SGCZ: variants seen among roughly 807,000 people sequenced by gnomAD.
The protein encoded by SGCZ is sarcoglycan zeta.
Under a neutral mutation model 41.3 loss-of-function variants are expected in SGCZ, and 40 were observed. The ratio of observed to expected loss-of-function variants is 0.97; its 90% CI spans 0.75 to 1.26. The LOEUF (loss-of-function observed/expected upper bound fraction) is 1.26. Among genes scored for constraint, SGCZ ranks in the 50% most tolerant of loss-of-function variants. The pLI, the probability that SGCZ is intolerant of heterozygous loss-of-function variation, is 0.00. For synonymous variants in SGCZ, 206 were observed against 137.5 expected (o/e 1.50, Z -3.49); for missense variants, 552 against 369.8 (o/e 1.49, Z -4.04).
chr8:14,216,602 G>A (rs997179840), intron 4 of SGCZ, among the ~76,000 whole-genome samples: 2 of 151,994 alleles, frequency 1.3e-5, no homozygotes, highest in Admixed American at 6.5e-5. Flanking sequence ...ATGCCAGGGT[G>A]GTTCAACTTT....
In SGCZ at chr8:14,763,783, G is replaced by A. The variant is rs186937778; in HGVS notation, c.40-208857C>T. Among the ~76,000 whole-genome samples, 2 of 152,166 alleles carry A rather than the reference G, an allele frequency of 1.3e-5. 1 individual carries two copies. The highest frequency in any genetic ancestry group is 1.3e-4 in the Admixed American group (2 of 15,274). ...TATCATATAGCCTTAGTTCTACATA[G>A]CCTCTGCAAAGAAGTCTTCAACTAT... On this transcript the variant is annotated intron_variant, in intron 1 of 7. Coordinates refer to ENST00000382080, the MANE Select transcript of SGCZ (RefSeq NM_139167.4).
At chr8:14,652,074 C>G (rs1807418161) in intron 1 of SGCZ, among the ~76,000 whole-genome samples, 1 of 151,848 alleles carries the variant, frequency 6.6e-6, no homozygotes, top group Admixed American at 6.6e-5. Context: ...AATAACAAAA[C>G]ATGCTTTTCT....
chr8:14,282,229 G>T (rs568300996), intron 3 of SGCZ, among the ~76,000 whole-genome samples: 3 of 151,668 alleles, frequency 2.0e-5, no homozygotes, highest in African/African-American at 7.3e-5. Flanking sequence ...ATACTGATCC[G>T]CCTGTATCCC....
chr8:14,596,954 T>C lies in SGCZ; in HGVS notation c.40-42028A>G, dbSNP rs563404952. 2.3e-4 allele frequency among the ~76,000 whole-genome samples: 35 copies of C among 152,174 alleles called. No individual in the cohort carries two copies. The South Asian group carries it at 7.3e-3, about 32-fold the overall frequency. On this transcript the variant is annotated intron_variant, in intron 1 of 7. Coordinates refer to ENST00000382080, the MANE Select transcript of SGCZ (RefSeq NM_139167.4). ...CAAACAGCAACAAAAAAACAACCTG[T>C]CATCAACCTTTGGGGAACCCTGAAA...
chr8:14,292,331 A>G (rs976884196), intron 3 of SGCZ, among the ~76,000 whole-genome samples: 3 of 152,040 alleles, frequency 2.0e-5, no homozygotes, highest in Admixed American at 2.0e-4. Context: ...GTTGGTGAAA[A>G]CAGCCTAGGA....
chr8:14,534,458 C>T (rs1326267890), intron 2 of SGCZ, among the ~76,000 whole-genome samples: 2 of 151,944 alleles, frequency 1.3e-5, no homozygotes. Context: ...GCATTATTAA[C>T]CTTCACTCTT....
At chr8:14,785,196 G>A (rs956365546) in intron 1 of SGCZ, among the ~76,000 whole-genome samples, 2 of 151,184 alleles carry the variant, frequency 1.3e-5, no homozygotes, top group African/African-American at 2.4e-5. Context: ...TCTGGAAATT[G>A]TTATAAAGTT....
At chr8:14,119,029 T>C (rs947002722) in intron 5 of SGCZ, among the ~76,000 whole-genome samples, 1 of 152,204 alleles carries the variant, frequency 6.6e-6, no homozygotes, top group Non-Finnish European at 1.5e-5. Flanking sequence ...TACTTAGGAT[T>C]GTCTTGGCTA....
At chr8:15,212,568 G>T (rs893249345) in intron 1 of SGCZ, among the ~76,000 whole-genome samples, 1 of 152,062 alleles carries the variant, frequency 6.6e-6, no homozygotes, top group African/African-American at 2.4e-5. Flanking sequence ...TCTGTAGACT[G>T]AGAGCCTTGG....
chr8:14,486,989 C>G (rs1365010949), intron 2 of SGCZ, among the ~76,000 whole-genome samples: 1 of 152,098 alleles, frequency 6.6e-6, no homozygotes, highest in East Asian at 1.9e-4. Context: ...ACTATGTTGT[C>G]TGAAACATGT....
At chr8:14,460,209 A>G (rs1324092156) in intron 2 of SGCZ, among the ~76,000 whole-genome samples, 1 of 152,196 alleles carries the variant, frequency 6.6e-6, no homozygotes, top group Admixed American at 6.5e-5. Context: ...CAAAATAATA[A>G]ACAAAAATAT....
chr8:14,472,768 T>C (rs566878765), intron 2 of SGCZ, among the ~76,000 whole-genome samples: 1 of 152,174 alleles, frequency 6.6e-6, no homozygotes, highest in South Asian at 2.1e-4. Context: ...TGTTTGTGTA[T>C]GTAGAATAGT....
chr8:14,210,726 C>G (rs565631446), intron 4 of SGCZ, among the ~76,000 whole-genome samples: 4 of 152,256 alleles, frequency 2.6e-5, no homozygotes, highest in African/African-American at 7.2e-5. Flanking sequence ...CTCGGCCTCC[C>G]AAAGTGCTAG....
intron 2 of SGCZ, among the ~76,000 whole-genome samples, chr8:14,446,066 A>C (rs1346259961): frequency 6.6e-6 from 1 of 152,194 alleles, no homozygotes; most frequent in Non-Finnish European, 1.5e-5. Context: ...GGGGACAAGA[A>C]AAATCCTGAA....
chr8:14,764,046 G>T (rs1210046948), intron 1 of SGCZ, among the ~76,000 whole-genome samples: 1 of 152,106 alleles, frequency 6.6e-6, no homozygotes, highest in African/African-American at 2.4e-5. Context: ...GCCATGTCTG[G>T]CAGGGAAAGT....
chr8:14,319,665 A>G (rs541122373), intron 3 of SGCZ: 1 of 152,174 alleles, frequency 6.6e-6, no homozygotes, highest in South Asian at 2.1e-4. Flanking sequence ...AGCCATTTAT[A>G]TGTAGAATCA....
rs969646395 is a variant in SGCZ, at chr8:14,340,136, A to G, written c.235-15932T>C. Among the ~76,000 whole-genome samples the G allele has an allele frequency of 2.6e-5, 4 of 152,046 alleles. No homozygotes were observed. In the South Asian group the frequency reaches 8.3e-4, roughly 31 times the overall value. On this transcript the variant is annotated intron_variant, in intron 2 of 7. Coordinates refer to ENST00000382080, the MANE Select transcript of SGCZ (RefSeq NM_139167.4). ...TTTTATCTTCACTGCTGTTGTTTCAATTCTGTTTTTTTCTTTCATCTCCAG... is the reference window on the plus strand; with the variant it reads ...TTTTATCTTCACTGCTGTTGTTTCAGTTCTGTTTTTTTCTTTCATCTCCAG...
intron 2 of SGCZ, among the ~76,000 whole-genome samples, chr8:14,371,377 T>G (rs10090668): frequency 0.082 from 12,509 of 152,080 alleles, 848 homozygotes; most frequent in African/African-American, 0.17. Context: ...TTCAGTTAAG[T>G]GATAACATTT....
intron 1 of SGCZ, among the ~76,000 whole-genome samples, chr8:14,989,393 G>A (rs926327189): frequency 3.3e-5 from 5 of 152,070 alleles, no homozygotes; most frequent in Admixed American, 2.6e-4. Context: ...GGCTGAGGTG[G>A]GAGGATTGCT....
Sources: allele counts gnomAD v4.1 joint callset (sites outside exome capture counted in the v4.1 genomes callset), GRCh38; gene constraint gnomAD v4.1.1; transcripts MANE v1.5; gene names NCBI Gene and HGNC (gene_info 2026-07-23, HGNC 2026-07-21).